The following SQSTM1 variants were observed in gnomAD, a reference collection of about 807,000 sequenced individuals.
The protein encoded by SQSTM1 is sequestosome-1.
A neutral mutation model predicts 45.1 loss-of-function variants in SQSTM1; 36 were observed. That is an observed-to-expected ratio of 0.80 (90% CI 0.61 to 1.05). The LOEUF is 1.05. Ranked by LOEUF, SQSTM1 falls within the 50% of genes least tolerant of loss-of-function variation. The probability of loss-of-function intolerance (pLI) is 0.00; values close to 1 mark genes in which losing one functional copy is unlikely to be tolerated. For synonymous variants in SQSTM1, 290 were observed against 244.3 expected (o/e 1.19, Z -1.74); for missense variants, 617 against 607.1 (o/e 1.02, Z -0.17).
chr5:179,828,013 G>A (rs1441394332), intron 5 of SQSTM1, among the ~76,000 whole-genome samples: 1 of 152,196 alleles, frequency 6.6e-6, no homozygotes, highest in Admixed American at 6.5e-5. Flanking sequence ...AGGCCCCGAA[G>A]CCACAGGGCC....
chr5:179,835,921 A>G (rs1758529895), intron 7 of SQSTM1: 3 of 215,104 alleles, frequency 1.4e-5, no homozygotes, highest in Admixed American at 5.2e-5. Context: ...CTTGATGGGC[A>G]GTTAGGTTGG....
chr5:179,834,631 C>T (rs999055418), intron 7 of SQSTM1, among the ~76,000 whole-genome samples: 3 of 151,832 alleles, frequency 2.0e-5, no homozygotes, highest in Admixed American at 2.0e-4. Flanking sequence ...GAGCATGCTG[C>T]CTTCAAGCAT....
chr5:179,823,825 C>G, intron 2 of SQSTM1, 33 bp from the exon 3 acceptor site: 1 of 1,603,570 alleles, frequency 6.2e-7, no homozygotes. Flanking sequence ...TTAGGGGGTC[C>G]CACCCTAGCG....
chr5:179,806,972 G>GCCA lies in SQSTM1; in HGVS notation c.-157+382_-157+383insCAC, dbSNP rs1757196421. The GCCA allele has an allele frequency of 1.3e-5, 2 of 149,226 alleles. No individual in the cohort carries two copies. The highest frequency in any genetic ancestry group is 4.4e-4 in the South Asian group (2 of 4,572). 9.2% of individuals were successfully genotyped at this position (149,226 alleles called of 1,614,324 possible). On this transcript the variant is annotated intron_variant, in intron 1 of 5. Transcript: ENST00000514093. This position sits in a 1 kb window ranked among gnomAD's most constrained non-coding sequence, Gnocchi z 4.6. ...TCTGGGGCCTGGATCTGGGGCCGCC[G>GCCA]CGGAGTCGACGGCGCAGGGCGGGGC...
At chr5:179,829,106 T>G (rs1482037907) in intron 5 of SQSTM1, among the ~76,000 whole-genome samples, 1 of 152,204 alleles carries the variant, frequency 6.6e-6, no homozygotes, top group Non-Finnish European at 1.5e-5. Flanking sequence ...TGATGGCTCT[T>G]GCCAACAATT....
At position 179,825,215 on chromosome 5, in the gene SQSTM1, T is replaced by A. The variant is rs1444777885; in HGVS notation, c.743T>A (p.Leu248His). 6.2e-7 allele frequency: 1 copy of A among 1,613,902 alleles called. No individual in the cohort carries two copies. Among genetic ancestry groups the A allele is most frequent in the East Asian group, 2.2e-5 (1 of 44,890 alleles). The change falls in exon 5 of 8, where the codon CTT becomes CAT. Residue 248 changes from leucine (L) to histidine (H), a missense_variant. Transcript: ENST00000389805. ...GTTGGGGAGAGTGTGGCAGCTGCCC[T>A]TAGCCCTCTGGGTGAGTGCACCTCC... ...KNVGESVAAA[L>H]SPLGIEVDID...
At chr5:179,827,103 T>C (rs1006734449) in intron 5 of SQSTM1, among the ~76,000 whole-genome samples, 2 of 152,196 alleles carry the variant, frequency 1.3e-5, no homozygotes, top group Admixed American at 1.3e-4. Flanking sequence ...AGGTAGAGAC[T>C]TTTAAAACAG....
chr5:179,820,910 C>T lies in SQSTM1; in HGVS notation c.-27C>T, dbSNP rs781131232. 8 of 1,494,420 alleles carry T rather than the reference C, an allele frequency of 5.4e-6. No individual in the cohort carries two copies. Among genetic ancestry groups the T allele is most frequent in the African/African-American group, 1.4e-5 (1 of 69,386 alleles). The allele number at this position is 1,494,420 out of a possible 1,614,324, so 92.6% of individuals were successfully genotyped here. ...GCGCGGCGGCTGCGACCGGGACGGC[C>T]CGTTTTCCGCCAGCTCGCCGCTCGC... is the stretch of plus-strand genomic sequence containing the variant. On this transcript the variant is annotated 5_prime_UTR_variant, in exon 1 of 8. Coordinates refer to ENST00000389805, the MANE Select transcript of SQSTM1 (RefSeq NM_003900.5).
intron 5 of SQSTM1, among the ~76,000 whole-genome samples, chr5:179,831,532 C>T (rs969212544): frequency 6.6e-5 from 10 of 151,896 alleles, no homozygotes; most frequent in Admixed American, 5.9e-4. Context: ...CGTGGTGGCA[C>T]GTGCCTATAG....
chr5:179,821,639 G>C (rs994648129), intron 1 of SQSTM1: 1 of 415,454 alleles, frequency 2.4e-6, no homozygotes, highest in Non-Finnish European at 4.8e-6. Flanking sequence ...GGGGGTGCGG[G>C]GGACTCGCGA....
At chr5:179,822,819 C>G (rs1238582721) in intron 1 of SQSTM1, 139 bp from the exon 2 acceptor site, 1 of 767,918 alleles carries the variant, frequency 1.3e-6, no homozygotes, top group Non-Finnish European at 2.3e-6. Flanking sequence ...CCTCTCACTC[C>G]TGCCCTCTGT....
chr5:179,823,125 G>C (rs1212757105), intron 2 of SQSTM1, 72 bp downstream of exon 2: 1 of 1,409,034 alleles, frequency 7.1e-7, no homozygotes, highest in East Asian at 2.3e-5. Flanking sequence ...GTAAAAAACA[G>C]GGCTCGATGT....
chr5:179,811,612 A>T (rs1381605555), exon 2 of SQSTM1: 2 of 152,172 alleles, frequency 1.3e-5, no homozygotes, highest in Non-Finnish European at 2.9e-5. Context: ...CTGCACAAGA[A>T]CCTGGCTTTT....
At chr5:179,828,929 T>A (rs1758105677) in intron 5 of SQSTM1, among the ~76,000 whole-genome samples, 1 of 151,860 alleles carries the variant, frequency 6.6e-6, no homozygotes, top group Non-Finnish European at 1.5e-5. Context: ...GAGGGAAGCT[T>A]CAGAAATCTC....
chr5:179,834,094 C>T (rs2113514016), intron 7 of SQSTM1, among the ~76,000 whole-genome samples: 1 of 148,682 alleles, frequency 6.7e-6, no homozygotes, highest in South Asian at 2.1e-4. Context: ...AGAGAGGGGG[C>T]AGCACTGGGT....
intron 5 of SQSTM1, among the ~76,000 whole-genome samples, chr5:179,829,064 CAGCT>C (rs999975906): frequency 2.6e-5 from 4 of 152,202 alleles, no homozygotes; most frequent in African/African-American, 4.8e-5. Flanking sequence ...TAGGGAGTGT[CAGCT>C]AGAGACTTCA....
At chr5:179,820,405 G>C (rs953529259), upstream of SQSTM1, 1 of 152,792 alleles carries the variant, frequency 6.5e-6, no homozygotes, top group Non-Finnish European at 1.5e-5. Flanking sequence ...GGCTGCCACC[G>C]CGGCAGGCTG....
chr5:179,828,103 T>C (rs562060753), intron 5 of SQSTM1, among the ~76,000 whole-genome samples: 3 of 152,228 alleles, frequency 2.0e-5, no homozygotes, highest in East Asian at 3.9e-4. Context: ...CGTCTAGTCT[T>C]TTTTTTAAGT....
At chr5:179,818,678 C>T (rs530777767), upstream of SQSTM1, among the ~76,000 whole-genome samples, 2 of 152,188 alleles carry the variant, frequency 1.3e-5, no homozygotes, top group Non-Finnish European at 2.9e-5. Context: ...CTGCCCTGAC[C>T]CCCCAGCTTA....
Sources: gnomAD v4.1 joint callset for allele counts (sites outside exome capture counted in the v4.1 genomes callset) on GRCh38, gnomAD v4.1.1 for gene constraint, Gnocchi (gnomAD v3.1) non-coding constraint, MANE v1.5 for transcripts, NCBI Gene and HGNC (gene_info 2026-07-23, HGNC 2026-07-21) for gene names.